Variants in RFC3 observed in about 807,000 individuals in gnomAD.
RFC3 encodes the protein replication factor C subunit 3, also known as A1 38 kDa subunit.
In RFC3, 41 loss-of-function variants were observed where a neutral mutation model predicts 45.1. The observed-to-expected ratio is 0.91, with a 90% CI of 0.71 to 1.18. The LOEUF (loss-of-function observed/expected upper bound fraction) is 1.18, where lower values mean the gene tolerates loss of function less well. RFC3 is among the 50% of genes most tolerant of loss of function. The pLI is 0.00. For synonymous variants in RFC3, 149 were observed against 144.0 expected (o/e 1.03, Z -0.25); for missense variants, 423 against 428.1 (o/e 0.99, Z 0.10).
At chr13:33,973,301 G>A in the RFC3 span, among the ~76,000 whole-genome samples, 1 of 152,176 alleles carries the variant, frequency 6.6e-6, no homozygotes, top group Admixed American at 6.5e-5. Flanking sequence ...GCAGCATTTG[G>A]ATAGCTCACC....
intron 8 of RFC3, among the ~76,000 whole-genome samples, chr13:33,955,548 C>T (rs2083016808): frequency 6.6e-6 from 1 of 152,146 alleles, no homozygotes; most frequent in South Asian, 2.1e-4. Flanking sequence ...TGATCTCACT[C>T]CCTCCTGACT....
rs1376582949 is a variant in RFC3, at chr13:33,836,198, G to C, written c.974G>C (p.Gly325Ala). 2 of 1,613,570 alleles carry C rather than the reference G, an allele frequency of 1.2e-6. No individual in the cohort carries two copies. Among genetic ancestry groups the C allele is most frequent in the Admixed American group, 3.3e-5 (2 of 59,980 alleles). Reference protein sequence around the residue: ...AAYYEHRLQLGSKAIYHLEAF... With the variant: ...AAYYEHRLQLASKAIYHLEAF... The stretch of plus-strand genomic sequence containing the variant: ...TACTATGAGCATCGTCTACAGCTGG[G>C]TAGCAAAGCCATTTATCACTTGGAA... The change falls in exon 9 of 9, where the codon GGT becomes GCT. Residue 325 changes from glycine to alanine, a missense_variant. Physicochemically the swap from Gly to Ala is moderately conservative, Grantham distance 60 (BLOSUM62 0). Transcript: ENST00000380071.
intron 8 of RFC3, among the ~76,000 whole-genome samples, chr13:33,952,907 C>T (rs552445559): frequency 6.6e-5 from 10 of 152,170 alleles, no homozygotes; most frequent in African/African-American, 1.9e-4. Flanking sequence ...CAGATCTGTT[C>T]GCAGAAGCTA....
At chr13:33,858,737 T>G (rs1263553509) in intron 8 of RFC3, among the ~76,000 whole-genome samples, 1 of 152,214 alleles carries the variant, frequency 6.6e-6, no homozygotes, top group African/African-American at 2.4e-5. Flanking sequence ...AAATAAATAT[T>G]GAGATAGACA....
intron 8 of RFC3, chr13:33,848,166 A>G (rs1420837678): frequency 1.3e-5 from 2 of 152,216 alleles, no homozygotes; most frequent in African/African-American, 2.4e-5. Context: ...CAAACTGAAC[A>G]TGTTCCACAC....
chr13:33,877,879 A>G (rs1032902015), intron 8 of RFC3, among the ~76,000 whole-genome samples: 2 of 149,826 alleles, frequency 1.3e-5, no homozygotes, highest in Admixed American at 1.3e-4. Context: ...TATATTAAAT[A>G]TATTTCTAAA....
Position 33,832,664 on chromosome 13 carries a change from T to C in RFC3, c.809+1310T>C, listed in dbSNP as rs576987893. On this transcript the variant is annotated intron_variant, in intron 7 of 8. Transcript: ENST00000380071. ...AGAAACTTCATCTTTAGGAAAAATA[T>C]GTTCATTTTATTTTGTAAAATGTTG... Among the ~76,000 whole-genome samples the C allele has an allele frequency of 3.6e-4, 55 of 152,284 alleles. 1 individual carries two copies. In the South Asian group the frequency reaches 0.011, roughly 29 times the overall value.
intron 8 of RFC3, among the ~76,000 whole-genome samples, chr13:33,876,894 T>TAA (rs1329103859): frequency 6.6e-6 from 1 of 152,244 alleles, no homozygotes; most frequent in African/African-American, 2.4e-5. Context: ...GCTCTCTTTC[T>TAA]GTTCAGATGA....
intron 8 of RFC3, among the ~76,000 whole-genome samples, chr13:33,922,932 A>G (rs2082778762): frequency 6.6e-6 from 1 of 152,142 alleles, no homozygotes; most frequent in South Asian, 2.1e-4. Context: ...AGCCATTAGT[A>G]TTGCAGCTGG....
At chr13:33,825,075 C>G (rs1251761029) in intron 3 of RFC3, among the ~76,000 whole-genome samples, 1 of 152,086 alleles carries the variant, frequency 6.6e-6, no homozygotes, top group Non-Finnish European at 1.5e-5. Context: ...TCTTCTGAAG[C>G]ATAGATAAGC....
chr13:33,835,729 GT>G (rs1365778028), intron 8 of RFC3, among the ~76,000 whole-genome samples: 1 of 152,116 alleles, frequency 6.6e-6, no homozygotes, highest in African/African-American at 2.4e-5. Flanking sequence ...TGGATGAATG[GT>G]TTTCTGTTGT....
At chr13:33,831,204 G>C in intron 6 of RFC3, 52 bp from the exon 7 acceptor site, 2 of 1,147,574 alleles carry the variant, frequency 1.7e-6, no homozygotes, top group South Asian at 2.5e-5. Flanking sequence ...TCCTGTTTTA[G>C]GACATAAGCA....
chr13:33,937,301 G>A (rs1007329640), intron 8 of RFC3, among the ~76,000 whole-genome samples: 1 of 152,192 alleles, frequency 6.6e-6, no homozygotes, highest in African/African-American at 2.4e-5. Flanking sequence ...AAGGTTAGGT[G>A]TGTAGTAAGC....
rs74360125 is a variant in RFC3 at position 33,942,670 on chromosome 13, A to G, written c.880-23417A>G. 9.5e-3 allele frequency among the ~76,000 whole-genome samples: 1,441 copies of G among 152,336 alleles called. 15 individuals are homozygous for G. The highest frequency in any genetic ancestry group is 0.032 in the African/African-American group (1,342 of 41,584). ...TAAACAATACAGGAGCAGAATAAAT[A>G]TCAGCACCATTATTGTTGTTTTGGG... On this transcript the variant is annotated intron_variant, in intron 8 of 8. Transcript: ENST00000434425.
At chr13:33,883,112 T>A (rs1384879264) in intron 8 of RFC3, among the ~76,000 whole-genome samples, 2 of 152,230 alleles carry the variant, frequency 1.3e-5, no homozygotes, top group Non-Finnish European at 1.5e-5. Flanking sequence ...AACTTTTTGT[T>A]TCTCTAAAAT....
At chr13:33,909,284 G>C (rs1401957358) in intron 8 of RFC3, among the ~76,000 whole-genome samples, 2 of 151,848 alleles carry the variant, frequency 1.3e-5, no homozygotes, top group Non-Finnish European at 2.9e-5. Context: ...TCTTCATAAA[G>C]ATGACTCTCT....
At chr13:33,847,517 A>T (rs1207968469) in intron 8 of RFC3, 1 of 151,896 alleles carries the variant, frequency 6.6e-6, no homozygotes, top group Non-Finnish European at 1.5e-5. Context: ...ATCTACTGTA[A>T]GATTGTCAGC....
intron 8 of RFC3, among the ~76,000 whole-genome samples, chr13:33,883,668 T>A (rs77784808): frequency 0.024 from 3,645 of 152,324 alleles, 72 homozygotes; most frequent in Non-Finnish European, 0.034. Context: ...CATGGATCTC[T>A]GTATTATTTT....
chr13:33,957,066 A>G (rs1299675679), intron 8 of RFC3, among the ~76,000 whole-genome samples: 1 of 152,026 alleles, frequency 6.6e-6, no homozygotes, highest in Non-Finnish European at 1.5e-5. Flanking sequence ...TTATCTACTG[A>G]TCTATATTTA....
Sources: allele counts gnomAD v4.1 joint callset (sites outside exome capture counted in the v4.1 genomes callset), GRCh38; gene constraint gnomAD v4.1.1; transcripts MANE v1.5; gene names NCBI Gene and HGNC (gene_info 2026-07-23, HGNC 2026-07-21).